POLA2: variants seen among roughly 807,000 people sequenced by gnomAD.
The protein encoded by POLA2 is DNA polymerase alpha 2, accessory subunit, also known as DNA polymerase alpha subunit B.
A neutral mutation model predicts 82.8 loss-of-function variants in POLA2; 47 were observed. The observed-to-expected ratio is 0.57, with a 90% CI of 0.45 to 0.72. The LOEUF (loss-of-function observed/expected upper bound fraction) is 0.72, where lower values mean the gene tolerates loss of function less well. Ranked by LOEUF, POLA2 falls within the 30% of genes least tolerant of loss-of-function variation. The pLI, the probability that POLA2 is intolerant of heterozygous loss-of-function variation, is 0.00. For synonymous variants in POLA2, 287 were observed against 286.8 expected, an observed-to-expected ratio of 1.00 and a Z score of -0.01; for missense variants, 634 against 728.1, an observed-to-expected ratio of 0.87 and a Z score of 1.49.
chr11:65,271,952 G>A (rs1949526407), intron 4 of POLA2, among the ~76,000 whole-genome samples: 1 of 151,936 alleles, frequency 6.6e-6, no homozygotes, highest in African/African-American at 2.4e-5. Context: ...GCTTAGAACA[G>A]TACTTATCAC....
chr11:65,297,120 G>A lies in POLA2; in HGVS notation c.1648G>A (p.Asp550Asn), dbSNP rs778498210. ...IPSELRYFVK[D>N]VLGCVCVNPG... Reference sequence around the variant, plus strand: ...CTGTCACCTCTCCTCTCCTCCCCAGGATGTCCTCGGCTGTGTCTGTGTGAA... The same window carrying A: ...CTGTCACCTCTCCTCTCCTCCCCAGAATGTCCTCGGCTGTGTCTGTGTGAA... Residue 550 changes from aspartate to asparagine, a missense_variant and splice_region_variant, in exon 18 of 18, where the codon GAT (aspartate) becomes AAT (asparagine). Transcript: ENST00000265465. 10 of 1,613,846 alleles carry A rather than the reference G, an allele frequency of 6.2e-6. No homozygotes were observed. Among genetic ancestry groups the A allele is most frequent in the Non-Finnish European group, 8.5e-6 (10 of 1,179,882 alleles).
At chr11:65,286,685 C>G (rs543752955) in intron 10 of POLA2, among the ~76,000 whole-genome samples, 1 of 152,306 alleles carries the variant, frequency 6.6e-6, no homozygotes, top group South Asian at 2.1e-4. Flanking sequence ...GCCACCACAC[C>G]TGGCCAAATT....
chr11:65,270,094 G>A (rs1949506735), intron 4 of POLA2, among the ~76,000 whole-genome samples: 1 of 152,190 alleles, frequency 6.6e-6, no homozygotes, highest in Non-Finnish European at 1.5e-5. Context: ...GGCCTCCAAA[G>A]TGCTGGGATT....
chr11:65,281,758 T>A, intron 9 of POLA2, 26 bp downstream of exon 9: 1 of 1,592,026 alleles, frequency 6.3e-7, no homozygotes, highest in Non-Finnish European at 8.6e-7. Context: ...CCCACTTGCC[T>A]CTTGGTTTGC....
intron 12 of POLA2, 124 bp from the exon 13 acceptor site, chr11:65,289,675 A>T: frequency 1.6e-6 from 1 of 623,878 alleles, no homozygotes; most frequent in South Asian, 2.0e-5. Flanking sequence ...TGTCTTTTTC[A>T]TCTTTGCGTC....
intron 10 of POLA2, among the ~76,000 whole-genome samples, chr11:65,286,697 G>A (rs778355483): frequency 3.9e-5 from 6 of 152,108 alleles, no homozygotes; most frequent in South Asian, 4.1e-4. Context: ...GGCCAAATTC[G>A]TGTTGTTTTA....
At chr11:65,294,460 C>T in intron 14 of POLA2, 86 bp from the exon 15 acceptor site, 1 of 1,234,424 alleles carries the variant, frequency 8.1e-7, no homozygotes. Flanking sequence ...CGTGGTCTCC[C>T]CAGCCCTCAG....
At position 65,295,908 on chromosome 11, in the gene POLA2, A is replaced by AT; in HGVS notation, c.1566dup (p.Glu523Ter). The AT allele has an allele frequency of 6.2e-7, 1 of 1,614,036 alleles. No homozygotes were observed. Among genetic ancestry groups the AT allele is most frequent in the Non-Finnish European group, 8.5e-7 (1 of 1,179,922 alleles). On this transcript the variant is annotated frameshift_variant, in exon 17 of 18. Transcript: ENST00000265465. LOFTEE classifies it high-confidence loss of function. ...CCCCAAGAAGACATGGCCATTGACTATGAGTCGTTCTATGTTTACGCACAG... is the reference window on the plus strand; with the variant it reads ...CCCCAAGAAGACATGGCCATTGACTATTGAGTCGTTCTATGTTTACGCACAG...
chr11:65,264,047 C>A (rs1298245710), intron 1 of POLA2, among the ~76,000 whole-genome samples: 1 of 151,954 alleles, frequency 6.6e-6, no homozygotes, highest in Non-Finnish European at 1.5e-5. Context: ...GACAGTCAAC[C>A]GTATTTCCCT....
intron 1 of POLA2, among the ~76,000 whole-genome samples, chr11:65,265,646 ATTG>A (rs1488947260): frequency 1.3e-5 from 2 of 151,954 alleles, no homozygotes; most frequent in African/African-American, 2.4e-5. Flanking sequence ...AGCCCACCTA[ATTG>A]TTGTATTTTT....
intron 16 of POLA2, 48 bp downstream of exon 16, chr11:65,295,647 T>C: frequency 6.6e-7 from 1 of 1,523,950 alleles, no homozygotes; most frequent in Non-Finnish European, 9.1e-7. Flanking sequence ...TGCCTTGGGG[T>C]CATGGAGCTA....
At chr11:65,287,927 C>A (rs1357721411) in intron 11 of POLA2, 87 bp downstream of exon 11, 2 of 1,254,936 alleles carry the variant, frequency 1.6e-6, no homozygotes, top group Non-Finnish European at 1.1e-6. Flanking sequence ...CATGTCAGTC[C>A]CTCCTCCTTT....
chr11:65,299,166 T>C (rs1196230611), downstream of POLA2, among the ~76,000 whole-genome samples: 2 of 152,210 alleles, frequency 1.3e-5, no homozygotes, highest in Non-Finnish European at 2.9e-5. Context: ...GGCGTGTCAG[T>C]GACGGAGGGT....
At chr11:65,305,518 ACCACTGCAAGCTGGG>A in exon 9 of POLA2, 1 of 408,048 alleles carries the variant, frequency 2.5e-6, no homozygotes, top group Non-Finnish European at 4.9e-6. Context: ...TGACAAAATG[ACCACTGCAAGCTGGG>A]CACGGTGGTG....
intron 5 of POLA2, among the ~76,000 whole-genome samples, 185 bp from the exon 6 acceptor site, chr11:65,278,545 A>C (rs546795257): frequency 6.6e-5 from 10 of 152,230 alleles, no homozygotes; most frequent in Non-Finnish European, 1.3e-4. Context: ...GGTATTCCTC[A>C]GCCCTTCATT....
chr11:65,266,731 A>G (rs1481741051), intron 2 of POLA2, 25 bp downstream of exon 2: 1 of 1,612,996 alleles, frequency 6.2e-7, no homozygotes, highest in African/African-American at 1.3e-5. Flanking sequence ...AAAGCAAACT[A>G]ATAATGTGAT....
At position 65,297,693 on chromosome 11, in the gene POLA2, C is replaced by T. The variant is rs994728773; in HGVS notation, c.*424C>T. 6.5e-6 allele frequency: 1 copy of T among 153,562 alleles called. No homozygotes were observed. Among genetic ancestry groups the T allele is most frequent in the African/African-American group, 2.4e-5 (1 of 41,448 alleles). The allele number at this position is 153,562 out of a possible 1,614,324, so 9.5% of individuals were successfully genotyped here. On this transcript the variant is annotated 3_prime_UTR_variant, in exon 18 of 18. Coordinates refer to ENST00000265465, the MANE Select transcript of POLA2 (RefSeq NM_002689.4). Reference sequence around the variant, plus strand: ...TTAGACGGAGTCTCGATCTGTCGCCCAGGCTGGAGTGCAGTGGTGAGATCT... The same window carrying T: ...TTAGACGGAGTCTCGATCTGTCGCCTAGGCTGGAGTGCAGTGGTGAGATCT...
At position 65,297,434 on chromosome 11, in the gene POLA2, G is replaced by C. The variant is rs542289637; in HGVS notation, c.*165G>C. The C allele has an allele frequency of 3.3e-5, 23 of 692,984 alleles. No individual in the cohort carries two copies. The East Asian group carries it at 6.7e-4, about 20-fold the overall frequency. 42.9% of individuals were successfully genotyped at this position (692,984 alleles called of 1,614,324 possible). ...AGGCCCAGCAGGGAGGACTTGTGCA[G>C]CCGGGCCTGCCTCTGAGTGGTGCCT... On this transcript the variant is annotated 3_prime_UTR_variant, in exon 18 of 18. Transcript: ENST00000265465.
At chr11:65,294,366 C>T (rs1205772893) in intron 14 of POLA2, 105 bp downstream of exon 14, 10 of 1,021,542 alleles carry the variant, frequency 9.8e-6, no homozygotes, top group East Asian at 2.4e-5. Flanking sequence ...TTAGGGTGTG[C>T]GTACAGCCTG....
Sources: gnomAD v4.1 joint callset for allele counts (sites outside exome capture counted in the v4.1 genomes callset) on GRCh38, gnomAD v4.1.1 for gene constraint, MANE v1.5 for transcripts, NCBI Gene and HGNC (gene_info 2026-07-23, HGNC 2026-07-21) for gene names.